Variants in ITGAE observed in about 807,000 individuals in gnomAD.
ITGAE encodes integrin alpha-E.
A neutral mutation model predicts 136.5 loss-of-function variants in ITGAE; 99 were observed. The observed-to-expected ratio is 0.73, with a 90% CI of 0.62 to 0.86. ITGAE has a LOEUF of 0.86. ITGAE is among the 40% of genes least tolerant of loss of function. The probability of loss-of-function intolerance (pLI) is 0.00; values close to 1 mark genes in which losing one functional copy is unlikely to be tolerated. For missense variants in ITGAE, 1,447 were observed against 1,515.3 expected, an observed-to-expected ratio of 0.95 and a Z score of 0.75; for synonymous variants, 613 against 591.8, an observed-to-expected ratio of 1.04 and a Z score of -0.52.
chr17:3,788,254 T>G (rs1033386346), intron 1 of ITGAE, among the ~76,000 whole-genome samples: 2 of 151,428 alleles, frequency 1.3e-5, no homozygotes, highest in African/African-American at 4.9e-5. Context: ...TCAAAAAAAA[T>G]TTTTTTAGCC....
intron 1 of ITGAE, among the ~76,000 whole-genome samples, chr17:3,789,532 G>A (rs957774221): frequency 1.8e-4 from 23 of 130,746 alleles, no homozygotes; most frequent in East Asian, 4.6e-4. Flanking sequence ...ATGGAGTCTC[G>A]CTCTGTCACC....
intron 18 of ITGAE, among the ~76,000 whole-genome samples, chr17:3,745,337 G>A (rs1329155239): frequency 1.3e-5 from 2 of 152,032 alleles, no homozygotes; most frequent in African/African-American, 4.8e-5. Flanking sequence ...CGTGGTTCTT[G>A]ATTTATTATT....
intron 1 of ITGAE, among the ~76,000 whole-genome samples, chr17:3,788,034 T>C (rs890606327): frequency 1.3e-5 from 2 of 152,168 alleles, no homozygotes; most frequent in African/African-American, 4.8e-5. Flanking sequence ...ACAAGATTCC[T>C]GACTATTTTG....
At chr17:3,770,453 C>T (rs2052394072) in intron 2 of ITGAE, among the ~76,000 whole-genome samples, 1 of 152,130 alleles carries the variant, frequency 6.6e-6, no homozygotes, top group Non-Finnish European at 1.5e-5. Context: ...TCCATGTCTG[C>T]TGTCTGTCCC....
intron 20 of ITGAE, chr17:3,739,094 C>T (rs2143013686): frequency 6.6e-6 from 1 of 152,560 alleles, no homozygotes; most frequent in East Asian, 1.9e-4. Flanking sequence ...ACCCACCAGG[C>T]AGGCTTCCAA....
At chr17:3,776,250 G>T (rs2052537114) in intron 2 of ITGAE, among the ~76,000 whole-genome samples, 1 of 151,864 alleles carries the variant, frequency 6.6e-6, no homozygotes, top group South Asian at 2.1e-4. Flanking sequence ...TAGAGACGGG[G>T]TTTCACCATG....
intron 26 of ITGAE, 21 bp from the exon 27 acceptor site, chr17:3,723,765 G>A (rs1216557002): frequency 1.9e-6 from 3 of 1,604,738 alleles, no homozygotes; most frequent in Non-Finnish European, 8.5e-7. Flanking sequence ...AGCCATGACC[G>A]CGACGCGCTG....
rs113425452 is a variant in ITGAE at position 3,784,128 on chromosome 17, C to A, written c.35-6468G>T. On this transcript the variant is annotated intron_variant, in intron 1 of 30. Coordinates refer to ENST00000263087, the MANE Select transcript of ITGAE (RefSeq NM_002208.5). The stretch of plus-strand genomic sequence containing the variant: ...ACAAAAAATTAGCCGGGCGTGGTGG[C>A]GGGCGCCTGTAGTCCCAGCTACTCG... Among the ~76,000 whole-genome samples, 7 of 151,918 alleles carry A rather than the reference C, an allele frequency of 4.6e-5. No individual in the cohort carries two copies. In the East Asian group the frequency reaches 1.2e-3, roughly 26 times the overall value.
intron 11 of ITGAE, 85 bp downstream of exon 11, chr17:3,755,745 A>G (rs957004564): frequency 8.8e-6 from 10 of 1,131,872 alleles, no homozygotes; most frequent in Middle Eastern, 2.8e-4. Flanking sequence ...AGAGCCCTGG[A>G]TGGGAGGCAG....
chr17:3,762,166 C>T (rs960463319), intron 3 of ITGAE, among the ~76,000 whole-genome samples, 184 bp from the exon 4 acceptor site: 22 of 152,156 alleles, frequency 1.4e-4, no homozygotes, highest in Admixed American at 1.2e-3. Context: ...CGTTCAGGGC[C>T]GAGTGCCCAT....
At position 3,757,026 on chromosome 17, in the gene ITGAE, C is replaced by T. The variant is rs2143037455; in HGVS notation, c.1129G>A (p.Gly377Arg). The T allele has an allele frequency of 6.2e-7, 1 of 1,614,202 alleles. No homozygotes were observed. The highest frequency in any genetic ancestry group is 1.1e-5 in the South Asian group (1 of 91,084). Residue 377 changes from glycine to arginine, a missense_variant, in exon 10 of 31, where the codon GGG becomes AGG. Coordinates refer to ENST00000263087, the MANE Select transcript of ITGAE (RefSeq NM_002208.5). ...TTGTACCGCAGTTTGCTCAGCAGCCCATCCAGCGCCATGTAGTTGGTCACC... is the reference window on the plus strand; with the variant it reads ...TTGTACCGCAGTTTGCTCAGCAGCCTATCCAGCGCCATGTAGTTGGTCACC... ...FKVTNYMALD[G>R]LLSKLRYNII...
intron 6 of ITGAE, 24 bp downstream of exon 6, chr17:3,760,989 C>T: frequency 6.3e-7 from 1 of 1,589,666 alleles, no homozygotes; most frequent in Non-Finnish European, 8.5e-7. Flanking sequence ...AGACTCAGAG[C>T]AACCCAGATC....
chr17:3,785,969 C>T (rs892604598), intron 1 of ITGAE, among the ~76,000 whole-genome samples: 3 of 151,676 alleles, frequency 2.0e-5, no homozygotes, highest in Non-Finnish European at 2.9e-5. Context: ...AGATCGAGAC[C>T]GTCCTGGCTA....
intron 2 of ITGAE, among the ~76,000 whole-genome samples, chr17:3,764,944 C>A (rs1187459042): frequency 6.6e-6 from 1 of 152,006 alleles, no homozygotes; most frequent in Non-Finnish European, 1.5e-5. Context: ...GGGGAGGGGA[C>A]GAGGGGCTTG....
At position 3,720,588 on chromosome 17, in the gene ITGAE, T is replaced by G. The variant is rs2051029966; in HGVS notation, c.3238-186A>C. 10 of 391,324 alleles carry G rather than the reference T, an allele frequency of 2.6e-5. No individual in the cohort carries two copies. The South Asian group carries it at 3.3e-4, about 13-fold the overall frequency. The allele number at this position is 391,324 out of a possible 1,614,324, so 24.2% of individuals were successfully genotyped here. On this transcript the variant is annotated intron_variant, in intron 28 of 30. Coordinates refer to ENST00000263087, the MANE Select transcript of ITGAE (RefSeq NM_002208.5). ...CTGCAGTTATTCTTCAACTTCCTTTTTTTTTTTTTTTGAGATGGAGTTTCG... is the reference window on the plus strand; with the variant it reads ...CTGCAGTTATTCTTCAACTTCCTTTGTTTTTTTTTTTGAGATGGAGTTTCG...
rs144504548 is a variant in ITGAE at position 3,724,913 on chromosome 17, G to T, written c.3085-1169C>A. 9 of 1,613,646 alleles carry T rather than the reference G, an allele frequency of 5.6e-6. No individual in the cohort carries two copies. The East Asian group carries it at 2.0e-4, about 36-fold the overall frequency. On this transcript the variant is annotated intron_variant, in intron 26 of 30. Transcript: ENST00000263087. ...TTCCCAAGGGCCGCATTGTGCCAAG[G>T]GGAATAGACAGGCTGGAGAGAACTA... is the stretch of plus-strand genomic sequence containing the variant.
intron 16 of ITGAE, among the ~76,000 whole-genome samples, chr17:3,748,308 C>T (rs910686859): frequency 1.3e-5 from 2 of 152,162 alleles, no homozygotes; most frequent in African/African-American, 2.4e-5. Context: ...TACTGTTGGC[C>T]GAGTGCGGTG....
chr17:3,733,349 A>G (rs1205903835), intron 21 of ITGAE, among the ~76,000 whole-genome samples: 2 of 152,152 alleles, frequency 1.3e-5, no homozygotes, highest in African/African-American at 4.8e-5. Context: ...ATGACCGGGG[A>G]CAAATCTACA....
chr17:3,747,890 C>T, intron 17 of ITGAE, 32 bp downstream of exon 17: 1 of 1,450,116 alleles, frequency 6.9e-7, no homozygotes, highest in Non-Finnish European at 9.3e-7. Flanking sequence ...GACCATCACA[C>T]CAGGCAGGGG....
Sources: gnomAD v4.1 joint callset for allele counts (sites outside exome capture counted in the v4.1 genomes callset) on GRCh38, gnomAD v4.1.1 for gene constraint, MANE v1.5 for transcripts, NCBI Gene and HGNC (gene_info 2026-07-23, HGNC 2026-07-21) for gene names.